The following BRIX1 variants were observed in gnomAD, a reference collection of about 807,000 sequenced individuals.
The protein encoded by BRIX1 is ribosome biogenesis protein BRX1 homolog.
In BRIX1, 15 loss-of-function variants were observed where a neutral mutation model predicts 44.0. The observed-to-expected ratio is 0.34, with a 90% confidence interval of 0.23 to 0.53. BRIX1 has a LOEUF of 0.53. Ranked by LOEUF, BRIX1 falls within the 20% of genes least tolerant of loss-of-function variation. BRIX1 has a pLI of 0.95. For synonymous variants in BRIX1, 149 were observed against 135.4 expected, an observed-to-expected ratio of 1.10 and a Z score of -0.70; for missense variants, 420 against 432.8, an observed-to-expected ratio of 0.97 and a Z score of 0.26.
At chr5:34,921,529 A>G (rs1477667694) in intron 3 of BRIX1, 2 of 152,254 alleles carry the variant, frequency 1.3e-5, no homozygotes, top group African/African-American at 4.8e-5. Context: ...TGAAGGATTA[A>G]CATAAGAAGA....
In BRIX1 at chr5:34,923,118, C is replaced by T. The variant is rs778774356; in HGVS notation, c.562-15C>T. ...TATCTTGGAATAAGGAACTAACATA[C>T]ACTTTTTTAACTAGATCTTTAGTAC... is the stretch of plus-strand genomic sequence containing the variant. On this transcript the variant is annotated splice_polypyrimidine_tract_variant and intron_variant, in intron 7 of 9. Coordinates refer to ENST00000336767, the MANE Select transcript of BRIX1 (RefSeq NM_018321.4). 1.2e-6 allele frequency: 2 copies of T among 1,603,392 alleles called. No homozygotes were observed. Among genetic ancestry groups the T allele is most frequent in the Non-Finnish European group, 8.5e-7 (1 of 1,170,376 alleles).
chr5:34,918,944 G>T (rs1764177905), intron 2 of BRIX1: 2 of 151,278 alleles, frequency 1.3e-5, no homozygotes, highest in Non-Finnish European at 2.9e-5. Context: ...TAAGCAGTGG[G>T]TTATTTTACA....
In BRIX1 at chr5:34,922,235, T is replaced by C; in HGVS notation, c.334T>C (p.Cys112Arg). Residue 112 changes from cysteine to arginine, a missense_variant, in exon 4 of 10, where the codon TGT (cysteine) becomes CGT (arginine). Physicochemically the swap from Cys to Arg is radical, Grantham distance 180. Transcript: ENST00000336767. ...VINEVCEMKN[C>R]NKCIYFEAKK... ...CCTTTAGGTTTGTGAAATGAAGAACTGTAATAAATGCATCTATTTTGAAGC... is the reference window on the plus strand; with the variant it reads ...CCTTTAGGTTTGTGAAATGAAGAACCGTAATAAATGCATCTATTTTGAAGC... The C allele has an allele frequency of 1.9e-6, 3 of 1,581,368 alleles. No homozygotes were observed. Among genetic ancestry groups the C allele is most frequent in the African/African-American group, 1.3e-5 (1 of 74,222 alleles).
chr5:34,923,419 A>G, intron 8 of BRIX1, 185 bp downstream of exon 8: 1 of 588,438 alleles, frequency 1.7e-6, no homozygotes, highest in Non-Finnish European at 3.0e-6. Flanking sequence ...CTGGGATTAC[A>G]AGCACCCATC....
chr5:34,916,119 C>CCT, intron 1 of BRIX1: 1 of 449,234 alleles, frequency 2.2e-6, no homozygotes, highest in Non-Finnish European at 3.9e-6. Flanking sequence ...AACCTTTACC[C>CCT]GGCCCACGGG....
In BRIX1 at chr5:34,920,125, A is replaced by AT. The variant is rs927068731; in HGVS notation, c.315+248dup. On this transcript the variant is annotated intron_variant, in intron 3 of 9. Coordinates refer to ENST00000336767, the MANE Select transcript of BRIX1 (RefSeq NM_018321.4). ...TTCCTCAGGAGAAGGATTATGTCCCATTTTTTAACCCTGTAGTGTCTAGTA... is the reference window on the plus strand; with the variant it reads ...TTCCTCAGGAGAAGGATTATGTCCCATTTTTTTAACCCTGTAGTGTCTAGTA... 3.5e-5 allele frequency: 11 copies of AT among 314,736 alleles called. No homozygotes were observed. In the Admixed American group the frequency reaches 4.2e-4, roughly 12 times the overall value. 19.5% of individuals were successfully genotyped at this position (314,736 alleles called of 1,614,324 possible). A position where few individuals can be genotyped will look rare whatever the true frequency, so the allele number is the denominator to read the frequency against.
Position 34,915,781 on chromosome 5 carries a change from C to A in BRIX1, c.43C>A (p.Gln15Lys). 6.3e-7 allele frequency: 1 copy of A among 1,599,118 alleles called. No individual in the cohort carries two copies. Among genetic ancestry groups the A allele is most frequent in the South Asian group, 1.1e-5 (1 of 88,810 alleles). The part of the protein sequence containing the change: ...KRKRRGGFAV[Q>K]AKKPKRNEID... Reference sequence around the variant, plus strand: ...GAAACGGCGTGGAGGCTTTGCAGTTCAGGCGAAGAAGCCAAAAAGAAACGA... The same window carrying A: ...GAAACGGCGTGGAGGCTTTGCAGTTAAGGCGAAGAAGCCAAAAAGAAACGA... The change falls in exon 1 of 10, where the codon CAG (glutamine) becomes AAG (lysine). Residue 15 changes from glutamine to lysine, a missense_variant. Coordinates refer to ENST00000336767, the MANE Select transcript of BRIX1 (RefSeq NM_018321.4).
In BRIX1 at chr5:34,921,318, T is replaced by C. The variant is rs555047817; in HGVS notation, c.316-899T>C. 15 of 152,312 alleles carry C rather than the reference T, an allele frequency of 9.8e-5. No individual in the cohort carries two copies. In the East Asian group the frequency reaches 2.9e-3, roughly 29 times the overall value. 9.4% of individuals were successfully genotyped at this position (152,312 alleles called of 1,614,324 possible). A position where few individuals can be genotyped will look rare whatever the true frequency, so the allele number is the denominator to read the frequency against. On this transcript the variant is annotated intron_variant, in intron 3 of 9. Transcript: ENST00000336767. Reference sequence around the variant, plus strand: ...AGTTTAATTTGAAATAGGTTTGATATACTTAGGCTTTTCACCCAATCCCTT... The same window carrying C: ...AGTTTAATTTGAAATAGGTTTGATACACTTAGGCTTTTCACCCAATCCCTT...
intron 1 of BRIX1, chr5:34,918,106 C>T (rs1225647080): frequency 1.3e-5 from 3 of 225,564 alleles, no homozygotes; most frequent in Admixed American, 6.4e-5. Flanking sequence ...TGTTGGAGAC[C>T]AGCCTGGGCA....
chr5:34,918,320 C>A (rs747818239), intron 1 of BRIX1, 44 bp from the exon 2 acceptor site: 4 of 1,006,194 alleles, frequency 4.0e-6, no homozygotes, highest in Non-Finnish European at 6.2e-6. Context: ...AAGATCAGTT[C>A]AGTATAAGAT....
intron 1 of BRIX1, among the ~76,000 whole-genome samples, chr5:34,917,554 C>T (rs1010975571): frequency 6.6e-6 from 1 of 151,738 alleles, no homozygotes; most frequent in African/African-American, 2.4e-5. Flanking sequence ...GCAGGAGAAT[C>T]GCTTGAACCC....
At chr5:34,916,185 GT>G (rs539920788) in intron 1 of BRIX1, 3,737 of 225,188 alleles carry the variant, frequency 0.017, no homozygotes, top group East Asian at 0.022. Context: ...TTGTTCAGTT[GT>G]TTTTTTTTTT....
At chr5:34,922,437 T>G in intron 4 of BRIX1, 102 bp from the exon 5 acceptor site, 1 of 919,910 alleles carries the variant, frequency 1.1e-6, no homozygotes, top group Non-Finnish European at 1.7e-6. Context: ...TTAAAGAAAA[T>G]TAAATGTATA....
intron 1 of BRIX1, chr5:34,917,994 T>C (rs1764153236): frequency 6.4e-6 from 1 of 157,012 alleles, no homozygotes; most frequent in South Asian, 2.0e-4. Flanking sequence ...TTTGACTTGG[T>C]TATGAGCTAC....
At position 34,925,574 on chromosome 5, in the gene BRIX1, T is replaced by C. The variant is rs1328862870; in HGVS notation, c.*79T>C. ...ATGTGTAAATACTTTTATTATCTAA[T>C]ACTATCTTACGTCTAATTAGTGTAG... On this transcript the variant is annotated 3_prime_UTR_variant, in exon 10 of 10. Transcript: ENST00000336767. 16 of 1,226,018 alleles carry C rather than the reference T, an allele frequency of 1.3e-5. No individual in the cohort carries two copies. The East Asian group carries it at 3.8e-4, about 29-fold the overall frequency. 75.9% of individuals were successfully genotyped at this position (1,226,018 alleles called of 1,614,324 possible). A position where few individuals can be genotyped will look rare whatever the true frequency, so the allele number is the denominator to read the frequency against.
intron 8 of BRIX1, among the ~76,000 whole-genome samples, chr5:34,924,497 T>C (rs1274503591): frequency 6.6e-6 from 1 of 152,202 alleles, no homozygotes; most frequent in Non-Finnish European, 1.5e-5. Flanking sequence ...GTTTCAAGAG[T>C]TCCCCCATAA....
At position 34,915,714 on chromosome 5, in the gene BRIX1, C is replaced by T. The variant is rs1764049735; in HGVS notation, c.-25C>T. 6.3e-7 allele frequency: 1 copy of T among 1,584,646 alleles called. No individual in the cohort carries two copies. Among genetic ancestry groups the T allele is most frequent in the Non-Finnish European group, 8.6e-7 (1 of 1,166,320 alleles). ...GCGAGCGGCAGCGCCGGAAAGGAGG[C>T]CAAGAGCGCGGGCGGCGAGGCAAGA... On this transcript the variant is annotated 5_prime_UTR_variant, in exon 1 of 10. Transcript: ENST00000336767.
intron 3 of BRIX1, 182 bp from the exon 4 acceptor site, chr5:34,922,035 G>C (rs1258025732): frequency 2.6e-6 from 1 of 379,980 alleles, no homozygotes; most frequent in East Asian, 4.0e-5. Flanking sequence ...GTTTACCTTG[G>C]GTAGAATACC....
At chr5:34,922,151 A>G in intron 3 of BRIX1, 66 bp from the exon 4 acceptor site, 1 of 871,072 alleles carries the variant, frequency 1.1e-6, no homozygotes, top group South Asian at 1.7e-5. Flanking sequence ...GATATTAATC[A>G]CATATAATTA....
Sources: allele counts gnomAD v4.1 joint callset (sites outside exome capture counted in the v4.1 genomes callset), GRCh38; gene constraint gnomAD v4.1.1; transcripts MANE v1.5; gene names NCBI Gene and HGNC (gene_info 2026-07-23, HGNC 2026-07-21).